Variants in MAN2A1 observed in about 807,000 individuals in gnomAD.
MAN2A1 encodes the protein alpha-mannosidase 2.
A neutral mutation model predicts 142.6 loss-of-function variants in MAN2A1; 76 were observed. That is an observed-to-expected ratio of 0.53 (90% CI 0.44 to 0.65). The LOEUF (loss-of-function observed/expected upper bound fraction) is 0.65, where lower values mean the gene tolerates loss of function less well. Among genes scored for constraint, MAN2A1 ranks in the 30% least tolerant of loss-of-function variants. The pLI is 0.00. For synonymous variants in MAN2A1, 559 were observed against 473.2 expected (o/e 1.18, Z -2.35); for missense variants, 1,311 against 1,365.1 (o/e 0.96, Z 0.62).
At chr5:109,799,087 G>A (rs13178260) in intron 12 of MAN2A1, among the ~76,000 whole-genome samples, 57,428 of 151,972 alleles carry the variant, frequency 0.38, 11,801 homozygotes, top group African/African-American at 0.55. Context: ...CTGGGTGATG[G>A]TAATAACCCT....
intron 12 of MAN2A1, among the ~76,000 whole-genome samples, chr5:109,800,106 A>C (rs1287222998): frequency 6.8e-6 from 1 of 147,636 alleles, no homozygotes; most frequent in Non-Finnish European, 1.5e-5. Context: ...AAAAAAAAAA[A>C]CAACCTCAGA....
chr5:109,743,329 C>A (rs2112609213), intron 4 of MAN2A1, among the ~76,000 whole-genome samples: 1 of 152,278 alleles, frequency 6.6e-6, no homozygotes, highest in Middle Eastern at 3.4e-3. Context: ...AAAGATCCAA[C>A]CTGGACTTCT....
At chr5:109,858,021 T>C (rs1755666888) in intron 20 of MAN2A1, among the ~76,000 whole-genome samples, 1 of 152,208 alleles carries the variant, frequency 6.6e-6, no homozygotes, top group Non-Finnish European at 1.5e-5. Flanking sequence ...AAACATACCT[T>C]GTTATCCTAA....
At chr5:109,726,303 C>T (rs1751743208) in intron 3 of MAN2A1, among the ~76,000 whole-genome samples, 1 of 152,002 alleles carries the variant, frequency 6.6e-6, no homozygotes, top group Admixed American at 6.6e-5. Flanking sequence ...GTAGTTTTTA[C>T]AGTAATTTAG....
At chr5:109,827,831 G>T (rs1754795758) in intron 16 of MAN2A1, among the ~76,000 whole-genome samples, 1 of 152,172 alleles carries the variant, frequency 6.6e-6, no homozygotes, top group African/African-American at 2.4e-5. Flanking sequence ...GCGTGGCACG[G>T]TGGCTCACAC....
In MAN2A1 at chr5:109,736,344, A is replaced by G. The variant is rs576319758; in HGVS notation, c.707+6831A>G. Reference sequence around the variant, plus strand: ...CATTGATATTTGTTTTATAAAGGCAATTTTTTGATTAAGTTTTAAATTTTT... The same window carrying G: ...CATTGATATTTGTTTTATAAAGGCAGTTTTTTGATTAAGTTTTAAATTTTT... On this transcript the variant is annotated intron_variant, in intron 4 of 21. Coordinates refer to ENST00000261483, the MANE Select transcript of MAN2A1 (RefSeq NM_002372.4). Among the ~76,000 whole-genome samples the G allele has an allele frequency of 1.6e-3, 239 of 152,170 alleles. 2 individuals carry two copies. Among genetic ancestry groups the G allele is most frequent in the African/African-American group, 4.8e-3 (200 of 41,520 alleles).
At chr5:109,703,077 A>G (rs975942401) in intron 1 of MAN2A1, among the ~76,000 whole-genome samples, 1 of 152,228 alleles carries the variant, frequency 6.6e-6, no homozygotes, top group African/African-American at 2.4e-5. Context: ...TATCTACTTA[A>G]TACAACCCTG....
At chr5:109,761,458 G>A (rs1456798081) in intron 5 of MAN2A1, among the ~76,000 whole-genome samples, 2 of 151,840 alleles carry the variant, frequency 1.3e-5, no homozygotes, top group Non-Finnish European at 2.9e-5. Context: ...TCTTATAGCC[G>A]TCTATCAATA....
intron 1 of MAN2A1, among the ~76,000 whole-genome samples, chr5:109,707,465 A>G (rs1027430417): frequency 8.5e-5 from 13 of 152,158 alleles, no homozygotes; most frequent in African/African-American, 3.1e-4. Flanking sequence ...CAGTACATTG[A>G]GTAAAACAGC....
intron 1 of MAN2A1, among the ~76,000 whole-genome samples, chr5:109,712,769 A>C (rs767337060): frequency 3.9e-5 from 6 of 152,200 alleles, no homozygotes; most frequent in Non-Finnish European, 8.8e-5. Flanking sequence ...CAGAAATATG[A>C]GGGCCATTTG....
intron 16 of MAN2A1, among the ~76,000 whole-genome samples, chr5:109,832,686 G>A (rs989399577): frequency 6.6e-6 from 1 of 152,194 alleles, no homozygotes; most frequent in East Asian, 1.9e-4. Context: ...TGAGCTGCTA[G>A]GTACACCTCC....
chr5:109,817,353 T>A lies in MAN2A1; in HGVS notation c.2024T>A (p.Val675Glu), dbSNP rs1313326721. The change falls in exon 13 of 22, where the codon GTG (valine) becomes GAG (glutamate). Residue 675 changes from valine to glutamate, a missense_variant. This residue lies in a region of MAN2A1 where 890 missense variants were observed against 920.5 expected (regional missense o/e 0.97). Coordinates refer to ENST00000261483, the MANE Select transcript of MAN2A1 (RefSeq NM_002372.4). Reference sequence around the variant, plus strand: ...TATGTGAGTTCCCCGACAGTGCAAGTGTTCTCTGCTTCAGGAAAACCTGTG... The same window carrying A: ...TATGTGAGTTCCCCGACAGTGCAAGAGTTCTCTGCTTCAGGAAAACCTGTG... ...SVYVSSPTVQ[V>E]FSASGKPVEV... 4 of 1,614,154 alleles carry A rather than the reference T, an allele frequency of 2.5e-6. No homozygotes were observed. Among genetic ancestry groups the A allele is most frequent in the Non-Finnish European group, 3.4e-6 (4 of 1,180,010 alleles).
chr5:109,729,089 T>C (rs996882562), intron 3 of MAN2A1, among the ~76,000 whole-genome samples: 4 of 152,176 alleles, frequency 2.6e-5, no homozygotes, highest in African/African-American at 9.6e-5. Flanking sequence ...CCTTAGGTCA[T>C]CTATCTTATT....
At chr5:109,802,362 T>C (rs1259203888) in intron 12 of MAN2A1, among the ~76,000 whole-genome samples, 1 of 152,188 alleles carries the variant, frequency 6.6e-6, no homozygotes, top group African/African-American at 2.4e-5. Flanking sequence ...ATAAAGATTC[T>C]ATAAAGCTTC....
chr5:109,853,784 G>A (rs544186731), intron 19 of MAN2A1: 38 of 152,108 alleles, frequency 2.5e-4, no homozygotes, highest in Admixed American at 7.9e-4. Flanking sequence ...GTTATTCTAC[G>A]AGCTGCATTA....
intron 3 of MAN2A1, among the ~76,000 whole-genome samples, chr5:109,722,007 A>G (rs1582823502): frequency 1.3e-5 from 2 of 152,226 alleles, no homozygotes; most frequent in African/African-American, 2.4e-5. Context: ...AAGTGGCAGG[A>G]GAGAGCATAA....
intron 12 of MAN2A1, among the ~76,000 whole-genome samples, chr5:109,808,721 T>TC (rs1491252035): frequency 1.7e-5 from 2 of 115,506 alleles, no homozygotes; most frequent in Non-Finnish European, 3.6e-5. Context: ...TTTTTTTTTT[T>TC]GAGACAGAGT....
chr5:109,842,354 T>G lies in MAN2A1; in HGVS notation c.2593T>G (p.Ser865Ala), dbSNP rs764527147. 7.0e-6 allele frequency: 11 copies of G among 1,580,392 alleles called. No individual in the cohort carries two copies. The South Asian group carries it at 1.1e-4, about 16-fold the overall frequency. Residue 865 changes from serine (S) to alanine (A), a missense_variant, in exon 17 of 22, where the codon TCC becomes GCC. Ser to Ala is a moderately conservative substitution (Grantham distance 99). Coordinates refer to ENST00000261483, the MANE Select transcript of MAN2A1 (RefSeq NM_002372.4). ...AATAGAAGGACAGTCTGTGGAAGTT[T>G]CCAATATTGTGGACATCCGAAAAGT... ...QGIEGQSVEV[S>A]NIVDIRKVYN...
At chr5:109,774,255 TA>T (rs1421346050) in intron 7 of MAN2A1, among the ~76,000 whole-genome samples, 1 of 152,178 alleles carries the variant, frequency 6.6e-6, no homozygotes, top group Non-Finnish European at 1.5e-5. Flanking sequence ...TATGACTCTA[TA>T]AAATGTTACA....
Sources: allele counts gnomAD v4.1 joint callset (sites outside exome capture counted in the v4.1 genomes callset), GRCh38; gene constraint gnomAD v4.1.1; regional missense constraint gnomAD v4.1.1; transcripts MANE v1.5; gene names NCBI Gene and HGNC (gene_info 2026-07-23, HGNC 2026-07-21).